Variants in ACMSD observed in about 807,000 individuals in gnomAD.
The protein encoded by ACMSD is aminocarboxymuconate semialdehyde decarboxylase, also known as 2-amino-3-carboxymuconate-6-semialdehyde decarboxylase.
A neutral mutation model predicts 45.9 loss-of-function variants in ACMSD; 37 were observed. The observed-to-expected ratio is 0.81, with a 90% confidence interval of 0.62 to 1.06. ACMSD has a LOEUF of 1.06. Among genes scored for constraint, ACMSD ranks in the 50% least tolerant of loss-of-function variants. The pLI, the probability that ACMSD is intolerant of heterozygous loss-of-function variation, is 0.00. For missense variants in ACMSD, 434 were observed against 420.9 expected (o/e 1.03, Z -0.27); for synonymous variants, 138 against 148.8 (o/e 0.93, Z 0.53).
At chr2:134,886,249 T>TTA (rs1689450350) in intron 8 of ACMSD, among the ~76,000 whole-genome samples, 5 of 109,748 alleles carry the variant, frequency 4.6e-5, no homozygotes, top group African/African-American at 2.0e-4. Flanking sequence ...TATTATTATT[T>TTA]TTTTTTTTTT....
chr2:134,894,035 G>A (rs1003315345), intron 8 of ACMSD, among the ~76,000 whole-genome samples: 5 of 151,994 alleles, frequency 3.3e-5, no homozygotes, highest in African/African-American at 9.7e-5. Flanking sequence ...ACCTTAATTC[G>A]GTGGCCTAGG....
intron 8 of ACMSD, among the ~76,000 whole-genome samples, chr2:134,876,141 G>A (rs953430684): frequency 6.6e-6 from 1 of 152,156 alleles, no homozygotes; most frequent in African/African-American, 2.4e-5. Context: ...AAGTTGCTCT[G>A]GGTGAGTCAG....
intron 1 of ACMSD, among the ~76,000 whole-genome samples, chr2:134,843,937 C>T (rs547240144): frequency 7.0e-4 from 106 of 152,348 alleles, no homozygotes; most frequent in African/African-American, 2.2e-3. Context: ...AGTCACAGTG[C>T]GTCTCACACG....
In ACMSD at chr2:134,895,240, T is replaced by C. The variant is rs555009691; in HGVS notation, c.850-3101T>C. Among the ~76,000 whole-genome samples, 49 of 150,386 alleles carry C rather than the reference T, an allele frequency of 3.3e-4. 1 individual carries two copies. The highest frequency in any genetic ancestry group is 2.3e-3 in the Admixed American group (35 of 15,060). On this transcript the variant is annotated intron_variant, in intron 8 of 9. Coordinates refer to ENST00000356140, the MANE Select transcript of ACMSD (RefSeq NM_138326.3). ...AGAATAGCTTACCAGGAGGTGGAGGTTGCAGTGAGCTGAGACTGTGCCACT... is the reference window on the plus strand; with the variant it reads ...AGAATAGCTTACCAGGAGGTGGAGGCTGCAGTGAGCTGAGACTGTGCCACT...
intron 6 of ACMSD, 126 bp downstream of exon 6, chr2:134,867,798 A>G (rs529274318): frequency 2.9e-5 from 19 of 651,318 alleles, no homozygotes; most frequent in Non-Finnish European, 4.8e-5. Flanking sequence ...AATAGCAGCT[A>G]TCACTTACTG....
At chr2:134,871,261 TCTC>T (rs1037000842) in intron 7 of ACMSD, among the ~76,000 whole-genome samples, 1 of 152,190 alleles carries the variant, frequency 6.6e-6, no homozygotes, top group Non-Finnish European at 1.5e-5. Context: ...GCCTTTGGTT[TCTC>T]CTCCTTTTCT....
chr2:134,870,219 G>A (rs1688362308), intron 6 of ACMSD, among the ~76,000 whole-genome samples: 1 of 152,196 alleles, frequency 6.6e-6, no homozygotes, highest in Non-Finnish European at 1.5e-5. Context: ...CCTCAGGGAT[G>A]AAGGCATTAG....
In ACMSD at chr2:134,872,106, G is replaced by T. The variant is rs182497042; in HGVS notation, c.677-363G>T. Among the ~76,000 whole-genome samples the T allele has an allele frequency of 1.1e-3, 164 of 152,046 alleles. 1 individual carries two copies. In the South Asian group the frequency reaches 0.02, roughly 18 times the overall value. Reference sequence around the variant, plus strand: ...TGAGTAGCCATGGCTACAGGAATGTGCCACCACACCCAACTAATTTTTTTG... The same window carrying T: ...TGAGTAGCCATGGCTACAGGAATGTTCCACCACACCCAACTAATTTTTTTG... On this transcript the variant is annotated intron_variant, in intron 7 of 9. Coordinates refer to ENST00000356140, the MANE Select transcript of ACMSD (RefSeq NM_138326.3).
intron 9 of ACMSD, among the ~76,000 whole-genome samples, chr2:134,901,321 G>T (rs1308661833): frequency 6.6e-6 from 1 of 152,150 alleles, no homozygotes; most frequent in Non-Finnish European, 1.5e-5. Context: ...CCTCATCTGA[G>T]ACCCTTCATT....
chr2:134,842,474 C>T (rs1278606675), intron 1 of ACMSD, among the ~76,000 whole-genome samples: 2 of 152,116 alleles, frequency 1.3e-5, no homozygotes, highest in African/African-American at 2.4e-5. Flanking sequence ...GCCACCCCTA[C>T]CACCATCCCC....
chr2:134,876,773 C>T (rs938127602), intron 8 of ACMSD, among the ~76,000 whole-genome samples: 3 of 152,148 alleles, frequency 2.0e-5, no homozygotes, highest in Admixed American at 2.0e-4. Context: ...TACTGTACAT[C>T]ATTATCTGTG....
intron 9 of ACMSD, among the ~76,000 whole-genome samples, chr2:134,900,662 A>T (rs1690446541): frequency 6.6e-6 from 1 of 152,214 alleles, no homozygotes; most frequent in East Asian, 1.9e-4. Flanking sequence ...TGTGCACAGT[A>T]TATATAGGAT....
intron 1 of ACMSD, among the ~76,000 whole-genome samples, chr2:134,841,945 C>T (rs188376188): frequency 5.7e-4 from 87 of 152,270 alleles, no homozygotes; most frequent in Admixed American, 2.0e-3. Flanking sequence ...TTTCATCACC[C>T]AGGAGGCTCA....
intron 1 of ACMSD, among the ~76,000 whole-genome samples, chr2:134,842,418 C>T (rs188702057): frequency 9.4e-4 from 143 of 152,170 alleles, no homozygotes; most frequent in Middle Eastern, 3.4e-3. Flanking sequence ...TAGTTCTGAC[C>T]CCAGGGTATT....
Position 134,863,637 on chromosome 2 carries a change from TAGCGGGGCTGCTCAGCCAACGCC to T in ACMSD, c.486+10_486+32del, listed in dbSNP as rs1235216596. 6 of 1,612,830 alleles carry T rather than the reference TAGCGGGGCTGCTCAGCCAACGCC, an allele frequency of 3.7e-6. No homozygotes were observed. In the South Asian group the frequency reaches 6.6e-5, roughly 18 times the overall value. On this transcript the variant is annotated splice_region_variant and intron_variant, in intron 5 of 9. Coordinates refer to ENST00000356140, the MANE Select transcript of ACMSD (RefSeq NM_138326.3). Reference sequence around the variant, plus strand: ...AGCTCTTTCCTGTCTATGCGGTGAGTAGCGGGGCTGCTCAGCCAACGCCAGCCGCCCAGTGCCTGGGCCGGGGG... The same window carrying T: ...AGCTCTTTCCTGTCTATGCGGTGAGTAGCCGCCCAGTGCCTGGGCCGGGGG...
intron 8 of ACMSD, among the ~76,000 whole-genome samples, chr2:134,886,246 A>ATTATTTTTTTTTTTTTTT: frequency 8.7e-6 from 1 of 115,476 alleles, no homozygotes; most frequent in African/African-American, 3.6e-5. Flanking sequence ...TATTATTATT[A>ATTATTTTTTTTTTTTTTT]TTTTTTTTTT....
rs186924885 is a variant in ACMSD, at chr2:134,859,470, G to A, written c.199+113G>A. The stretch of plus-strand genomic sequence containing the variant: ...ACTTCTGACCCCCTTTTCTCTGCCA[G>A]GACAGGCTGTTCCAGCTTCACTGTG... On this transcript the variant is annotated intron_variant, in intron 3 of 9. Transcript: ENST00000356140. 5.0e-5 allele frequency: 49 copies of A among 971,100 alleles called. 1 individual carries two copies. The African/African-American group carries it at 7.7e-4, about 15-fold the overall frequency. 60.2% of individuals were successfully genotyped at this position (971,100 alleles called of 1,614,324 possible). A position where few individuals can be genotyped will look rare whatever the true frequency, so the allele number is the denominator to read the frequency against.
At chr2:134,872,886 C>T (rs2104888698) in intron 8 of ACMSD, 1 of 460,636 alleles carries the variant, frequency 2.2e-6, no homozygotes, top group East Asian at 3.7e-5. Context: ...AGATCATCTA[C>T]ATGGCTGGGT....
intron 1 of ACMSD, chr2:134,844,359 A>G (rs1686954882): frequency 6.6e-6 from 1 of 152,166 alleles, no homozygotes; most frequent in Non-Finnish European, 1.5e-5. Flanking sequence ...GTTTTCCAAG[A>G]AGCAGACCCT....
Sources: allele counts gnomAD v4.1 joint callset (sites outside exome capture counted in the v4.1 genomes callset), GRCh38; gene constraint gnomAD v4.1.1; transcripts MANE v1.5; gene names NCBI Gene and HGNC (gene_info 2026-07-23, HGNC 2026-07-21).